The following URGCP variants were observed in gnomAD, a reference collection of about 807,000 sequenced individuals.
URGCP encodes the protein up-regulator of cell proliferation.
A neutral mutation model predicts 24.6 loss-of-function variants in URGCP; 13 were observed. The observed-to-expected ratio is 0.53, with a 90% CI of 0.34 to 0.84. The LOEUF is 0.84. Ranked by LOEUF, URGCP falls within the 40% of genes least tolerant of loss-of-function variation. The probability of loss-of-function intolerance (pLI) is 0.01; values close to 1 mark genes in which losing one functional copy is unlikely to be tolerated. For missense variants in URGCP, 899 were observed against 1,194.3 expected (o/e 0.75, Z 3.64); for synonymous variants, 444 against 487.2 (o/e 0.91, Z 1.17).
At chr7:43,883,346 ATATATATATATATATATTT>A (rs1562575146) in intron 3 of URGCP, among the ~76,000 whole-genome samples, 11 of 96,012 alleles carry the variant, frequency 1.1e-4, no homozygotes, top group African/African-American at 6.1e-4. Flanking sequence ...ACATATATAT[ATATATATATATATATATTT>A]TTTTTTTTTT....
chr7:43,913,462 C>T (rs540324922), intron 1 of URGCP, among the ~76,000 whole-genome samples: 28 of 152,186 alleles, frequency 1.8e-4, no homozygotes, highest in Non-Finnish European at 2.9e-4. Context: ...TTGTGATCTG[C>T]CTGCCTCGGC....
upstream of URGCP, among the ~76,000 whole-genome samples, chr7:43,909,263 A>T (rs1482560363): frequency 1.3e-5 from 2 of 152,222 alleles, no homozygotes; most frequent in Non-Finnish European, 2.9e-5. Context: ...ACATATGTAT[A>T]CATATACCTA....
upstream of URGCP, among the ~76,000 whole-genome samples, chr7:43,908,651 G>A (rs550460150): frequency 1.7e-3 from 261 of 152,254 alleles, no homozygotes; most frequent in African/African-American, 5.8e-3. Context: ...ATAGGATAGC[G>A]TACAAGTTAA....
chr7:43,878,046 T>C lies in URGCP; in HGVS notation c.1417A>G (p.Lys473Glu). The C allele has an allele frequency of 6.2e-7, 1 of 1,614,176 alleles. No homozygotes were observed. The highest frequency in any genetic ancestry group is 8.5e-7 in the Non-Finnish European group (1 of 1,180,030). The change falls in exon 6 of 6, where the codon AAA becomes GAA. Residue 473 changes from lysine to glutamate, a missense_variant. Transcript: ENST00000453200. This position sits in a 1 kb window ranked among gnomAD's most constrained non-coding sequence, Gnocchi z 5.6. ...CTGGTAATCCTCTCCATCCGGTCTTTCGCTTTCTGACACTCCTCACAGTCC... is the reference window on the plus strand; with the variant it reads ...CTGGTAATCCTCTCCATCCGGTCTTCCGCTTTCTGACACTCCTCACAGTCC... The part of the protein sequence containing the change: ...DEDCEECQKA[K>E]DRMERITRKI...
chr7:43,882,170 G>T (rs1022242282), intron 3 of URGCP: 2 of 606,948 alleles, frequency 3.3e-6, no homozygotes, highest in Non-Finnish European at 5.1e-6. Flanking sequence ...CAGGCATGGT[G>T]GCTCATGCCT....
chr7:43,876,715 G>A lies in URGCP; in HGVS notation c.2748C>T (p.Asn916=). The part of the protein sequence containing the change: ...LLENIRNGLS[N]QNKNIQQLIE... ...TGAGCTGCTGGATGTTTTTGTTTTG[G>A]TTCGACAAGCCGTTCCTGATGTTTT... Residue 916 remains asparagine, a synonymous_variant, in exon 6 of 6, where the codon AAC becomes AAT. Coordinates refer to ENST00000453200, the MANE Select transcript of URGCP (RefSeq NM_001077663.3). The A allele has an allele frequency of 6.2e-7, 1 of 1,614,156 alleles. No homozygotes were observed. Among genetic ancestry groups the A allele is most frequent in the Non-Finnish European group, 8.5e-7 (1 of 1,180,032 alleles).
At chr7:43,899,474 G>A (rs1346418037) in intron 1 of URGCP, among the ~76,000 whole-genome samples, 1 of 151,516 alleles carries the variant, frequency 6.6e-6, no homozygotes, top group Non-Finnish European at 1.5e-5. Context: ...GTAAATTGAG[G>A]TTCAAAACCA....
Position 43,878,931 on chromosome 7 carries a change from CA to C in URGCP, c.531del (p.Asp178IlefsTer4), listed in dbSNP as rs2095849835. On this transcript the variant is annotated frameshift_variant, in exon 6 of 6. Coordinates refer to ENST00000453200, the MANE Select transcript of URGCP (RefSeq NM_001077663.3). LOFTEE classifies it low-confidence loss of function (END_TRUNC). This position sits in a 1 kb window ranked among gnomAD's most constrained non-coding sequence, Gnocchi z 5.6. ...AGGTCTAAGGGGTTCACTGGCGTAT[CA>C]GGGGTGGGCAGCTCAGAAAAGGAAT... ...DIYSFSELPT[P>X]DTPVNPLDLL... 1 of 1,614,092 alleles carries C rather than the reference CA, an allele frequency of 6.2e-7. No individual in the cohort carries two copies. The highest frequency in any genetic ancestry group is 1.3e-5 in the African/African-American group (1 of 74,938).
chr7:43,924,578 A>T (rs2132736824), intron 1 of URGCP, among the ~76,000 whole-genome samples: 1 of 152,284 alleles, frequency 6.6e-6, no homozygotes. Context: ...TGGCCCATGG[A>T]CTAACAAAAA....
upstream of URGCP, among the ~76,000 whole-genome samples, chr7:43,910,542 A>G (rs1169605007): frequency 1.3e-5 from 2 of 151,778 alleles, no homozygotes; most frequent in Non-Finnish European, 2.9e-5. Flanking sequence ...TCTTTTTATT[A>G]AAAATTTACA....
chr7:43,908,389 T>C (rs150058710), upstream of URGCP, among the ~76,000 whole-genome samples: 155 of 152,288 alleles, frequency 1.0e-3, 2 homozygotes, highest in African/African-American at 3.6e-3. Context: ...AAATAAGCAT[T>C]CTTTTAAACA....
intron 3 of URGCP, among the ~76,000 whole-genome samples, chr7:43,883,960 C>A (rs546103828): frequency 5.9e-5 from 9 of 152,080 alleles, no homozygotes; most frequent in Non-Finnish European, 1.0e-4. Context: ...TTCCAAGGAA[C>A]CCAAAATGCC....
intron 1 of URGCP, among the ~76,000 whole-genome samples, chr7:43,915,883 C>T (rs2095914892): frequency 1.3e-5 from 2 of 152,156 alleles, no homozygotes; most frequent in South Asian, 4.1e-4. Context: ...GTGGCATGCA[C>T]CTGTAATCTC....
upstream of URGCP, among the ~76,000 whole-genome samples, chr7:43,909,569 T>C (rs898661484): frequency 4.0e-5 from 6 of 149,224 alleles, no homozygotes; most frequent in East Asian, 2.0e-4. Flanking sequence ...CTACTAAAAA[T>C]ACAAAAATTA....
At chr7:43,923,053 G>A (rs1476103652) in intron 1 of URGCP, among the ~76,000 whole-genome samples, 2 of 151,202 alleles carry the variant, frequency 1.3e-5, no homozygotes, top group Non-Finnish European at 2.9e-5. Context: ...GTACAATCTC[G>A]GCTCATTGCA....
chr7:43,878,902 G>C lies in URGCP; in HGVS notation c.561C>G (p.Leu187=). 1 of 1,614,248 alleles carries C rather than the reference G, an allele frequency of 6.2e-7. No homozygotes were observed. The highest frequency in any genetic ancestry group is 8.5e-7 in the Non-Finnish European group (1 of 1,180,040). The stretch of plus-strand genomic sequence containing the variant: ...TGTCTGAGGAGAGCAGCAGGGCACA[G>C]AGAAGGTCTAAGGGGTTCACTGGCG... The part of the protein sequence containing the change: ...PDTPVNPLDL[L]CALLLSSDSF... Residue 187 remains leucine, a synonymous_variant, in exon 6 of 6, where the codon CTC becomes CTG. Coordinates refer to ENST00000453200, the MANE Select transcript of URGCP (RefSeq NM_001077663.3). This position sits in a 1 kb window ranked among gnomAD's most constrained non-coding sequence, Gnocchi z 5.6.
intron 3 of URGCP, among the ~76,000 whole-genome samples, chr7:43,882,956 T>C (rs190526130): frequency 6.6e-6 from 1 of 152,254 alleles, no homozygotes; most frequent in Non-Finnish European, 1.5e-5. Flanking sequence ...TAAGGAATTT[T>C]TGTAATCACT....
At position 43,877,365 on chromosome 7, in the gene URGCP, C is replaced by T; in HGVS notation, c.2098G>A (p.Val700Met). 1.9e-6 allele frequency: 3 copies of T among 1,612,744 alleles called. No homozygotes were observed. The highest frequency in any genetic ancestry group is 2.5e-6 in the Non-Finnish European group (3 of 1,180,018). Residue 700 changes from valine (V) to methionine (M), a missense_variant, in exon 6 of 6, where the codon GTG (valine) becomes ATG (methionine). Val to Met is a conservative substitution (Grantham distance 21, BLOSUM62 1). Transcript: ENST00000453200. ...AGTGTGGACTTGCCCGTGCCTGGCACCCCGACGGTTGACAGAACCACCAGC... is the reference window on the plus strand; with the variant it reads ...AGTGTGGACTTGCCCGTGCCTGGCATCCCGACGGTTGACAGAACCACCAGC... The part of the protein sequence containing the change: ...SRLVVLSTVG[V>M]PGTGKSTLLN...
In URGCP at chr7:43,913,208, TTTTG is replaced by T. The variant is rs200184538; in HGVS notation, c.-116+12920_-116+12923del. ...TATAAGATTCTTGGTTGACAGTTTT[TTTTG>T]TTTGTTTGTTTTTTGAGACGGAGTC... On this transcript the variant is annotated intron_variant, in intron 1 of 5. Transcript: ENST00000426198. 8.3e-3 allele frequency among the ~76,000 whole-genome samples: 1,263 copies of T among 152,060 alleles called. 18 individuals are homozygous for T. The highest frequency in any genetic ancestry group is 0.029 in the African/African-American group (1,202 of 41,460).
Sources: allele counts gnomAD v4.1 joint callset (sites outside exome capture counted in the v4.1 genomes callset), GRCh38; gene constraint gnomAD v4.1.1; non-coding constraint Gnocchi (gnomAD v3.1); transcripts MANE v1.5; gene names NCBI Gene and HGNC (gene_info 2026-07-23, HGNC 2026-07-21).